Variants in LUZP1 observed in about 807,000 individuals in gnomAD.
The protein encoded by LUZP1 is leucine zipper protein 1.
LUZP1 carries 25 observed loss-of-function variants against 71.3 expected under a neutral mutation model. That is an observed-to-expected ratio of 0.35 (90% CI 0.26 to 0.49). The LOEUF (loss-of-function observed/expected upper bound fraction) is 0.49. LUZP1 is among the 20% of genes least tolerant of loss of function. LUZP1 has a pLI of 0.99. For missense variants in LUZP1, 1,142 were observed against 1,300.8 expected (o/e 0.88, Z 1.88); for synonymous variants, 481 against 506.4 (o/e 0.95, Z 0.67).
At chr1:23,132,983 G>C (rs765222376) in intron 2 of LUZP1, among the ~76,000 whole-genome samples, 8 of 152,090 alleles carry the variant, frequency 5.3e-5, no homozygotes, top group African/African-American at 1.7e-4. Context: ...CCACTAAAAC[G>C]CAAGAAATAC....
At chr1:23,140,214 ACT>A (rs1268042988) in intron 2 of LUZP1, 3 of 151,024 alleles carry the variant, frequency 2.0e-5, no homozygotes, top group Non-Finnish European at 2.9e-5. Flanking sequence ...ACCTATCCAG[ACT>A]CTCTGCTGTT....
intron 2 of LUZP1, among the ~76,000 whole-genome samples, chr1:23,149,195 A>AG (rs1335931181): frequency 6.6e-6 from 1 of 152,074 alleles, no homozygotes; most frequent in East Asian, 1.9e-4. Context: ...AGTCAAGACC[A>AG]GAAGTGACCA....
At chr1:23,168,037 TAAAC>T (rs1644524335) in intron 2 of LUZP1, among the ~76,000 whole-genome samples, 1 of 150,860 alleles carries the variant, frequency 6.6e-6, no homozygotes, top group South Asian at 2.1e-4. Flanking sequence ...ACTGGCAACT[TAAAC>T]AAAGCGAATG....
chr1:23,162,662 A>T (rs1644477770), intron 2 of LUZP1: 1 of 152,034 alleles, frequency 6.6e-6, no homozygotes, highest in Non-Finnish European at 1.5e-5. Context: ...CCCATAATAC[A>T]TTTTTAAAAT....
rs1288791917 is a variant in LUZP1 at position 23,103,737 on chromosome 1, ATTT to A, written c.-120+5282_-120+5284del. ...AGAAGTGTAGTTTTTTGTGTTTGTA[ATTT>A]TTTTATTGCTGTATTCCCCGCCCCT... is the stretch of plus-strand genomic sequence containing the variant. On this transcript the variant is annotated intron_variant, in intron 3 of 4. Coordinates refer to ENST00000302291, the Ensembl canonical transcript of LUZP1. Among the ~76,000 whole-genome samples, 3 of 149,698 alleles carry A rather than the reference ATTT, an allele frequency of 2.0e-5. No homozygotes were observed. In the Admixed American group the frequency reaches 2.0e-4, roughly 10 times the overall value.
At chr1:23,085,625 C>T (rs1384309059) in exon 5 of LUZP1, 4 of 152,268 alleles carry the variant, frequency 2.6e-5, no homozygotes, top group Admixed American at 1.3e-4. Context: ...TGCCCCAGGA[C>T]GACAAGTCCA....
chr1:23,085,308 C>T (rs1643747179), exon 5 of LUZP1: 1 of 152,424 alleles, frequency 6.6e-6, no homozygotes, highest in Admixed American at 6.6e-5. Flanking sequence ...CTTTAAAATA[C>T]AAAAAAATAG....
intron 1 of LUZP1, among the ~76,000 whole-genome samples, chr1:23,176,141 A>T (rs1218309665): frequency 6.7e-6 from 1 of 149,596 alleles, no homozygotes; most frequent in Non-Finnish European, 1.5e-5. Flanking sequence ...GGCTCACTGC[A>T]ACCACCACCT....
intron 3 of LUZP1, among the ~76,000 whole-genome samples, chr1:23,100,168 T>C (rs909419017): frequency 2.0e-5 from 3 of 152,218 alleles, no homozygotes; most frequent in African/African-American, 7.2e-5. Flanking sequence ...ATATTCTCAG[T>C]ACCCAGCAGG....
At chr1:23,130,546 T>TTA (rs1157464311) in intron 2 of LUZP1, among the ~76,000 whole-genome samples, 22 of 150,072 alleles carry the variant, frequency 1.5e-4, no homozygotes, top group Admixed American at 1.3e-3. Flanking sequence ...TTTTTTTTTT[T>TTA]AGAGATGGGG....
chr1:23,165,772 C>T (rs1478139144), intron 2 of LUZP1, among the ~76,000 whole-genome samples: 1 of 152,154 alleles, frequency 6.6e-6, no homozygotes, highest in Non-Finnish European at 1.5e-5. Context: ...CTACCTGTAA[C>T]AGCATGCTTT....
intron 2 of LUZP1, among the ~76,000 whole-genome samples, chr1:23,156,351 G>C (rs1644420753): frequency 6.6e-6 from 1 of 152,184 alleles, no homozygotes; most frequent in African/African-American, 2.4e-5. Flanking sequence ...CTGCACTCCA[G>C]CCTGGGCAAC....
chr1:23,099,487 T>TTATCC (rs1643915288), intron 3 of LUZP1, among the ~76,000 whole-genome samples: 2 of 152,120 alleles, frequency 1.3e-5, no homozygotes, highest in African/African-American at 4.8e-5. Flanking sequence ...AAAACCCAGC[T>TTATCC]TATCCTCAAA....
At chr1:23,151,529 T>C (rs949474459) in intron 2 of LUZP1, among the ~76,000 whole-genome samples, 1 of 152,192 alleles carries the variant, frequency 6.6e-6, no homozygotes, top group Non-Finnish European at 1.5e-5. Flanking sequence ...AGAAAGAACA[T>C]GGACTTTAAA....
chr1:23,157,746 G>A (rs575937687), intron 2 of LUZP1, among the ~76,000 whole-genome samples: 20 of 151,866 alleles, frequency 1.3e-4, no homozygotes, highest in African/African-American at 2.7e-4. Flanking sequence ...AGCCAAGATC[G>A]CGCCACTGCA....
At chr1:23,136,573 G>A (rs1450606280) in intron 2 of LUZP1, among the ~76,000 whole-genome samples, 2 of 151,756 alleles carry the variant, frequency 1.3e-5, no homozygotes, top group African/African-American at 4.8e-5. Flanking sequence ...TACATAATAT[G>A]CCCAAGGTCA....
At chr1:23,091,388 T>G in exon 4 of LUZP1, 1 of 1,614,218 alleles carries the variant, frequency 6.2e-7, no homozygotes, top group Non-Finnish European at 8.5e-7. Context: ...CTGAGAAGTC[T>G]GTGGAAGACC....
intron 3 of LUZP1, among the ~76,000 whole-genome samples, chr1:23,100,018 T>A (rs916057060): frequency 4.6e-5 from 7 of 152,198 alleles, no homozygotes; most frequent in African/African-American, 7.2e-5. Context: ...AATTCTGGAG[T>A]GCCTTCTTCA....
At chr1:23,134,896 G>A (rs1452724312) in intron 2 of LUZP1, among the ~76,000 whole-genome samples, 1 of 152,092 alleles carries the variant, frequency 6.6e-6, no homozygotes, top group East Asian at 1.9e-4. Context: ...TAAATTGTGT[G>A]CCACAGCGGT....
Sources: allele counts gnomAD v4.1 joint callset (sites outside exome capture counted in the v4.1 genomes callset), GRCh38; gene constraint gnomAD v4.1.1; transcripts MANE v1.5; gene names NCBI Gene and HGNC (gene_info 2026-07-23, HGNC 2026-07-21).